CMSS1: variants seen among roughly 807,000 people sequenced by gnomAD.
CMSS1 encodes the protein cms1 ribosomal small subunit homolog, also known as protein CMSS1.
In CMSS1, 33 loss-of-function variants were observed where a neutral mutation model predicts 43.5. The observed-to-expected ratio is 0.76, with a 90% CI of 0.57 to 1.01. The LOEUF (loss-of-function observed/expected upper bound fraction) is 1.01. CMSS1 is among the 50% of genes least tolerant of loss of function. The pLI, the probability that CMSS1 is intolerant of heterozygous loss-of-function variation, is 0.00. For missense variants in CMSS1, 313 were observed against 326.4 expected (o/e 0.96, Z 0.32); for synonymous variants, 115 against 117.2 (o/e 0.98, Z 0.12).
chr3:100,050,311 A>G (rs2065348465), intron 1 of CMSS1, among the ~76,000 whole-genome samples: 1 of 152,178 alleles, frequency 6.6e-6, no homozygotes, highest in African/African-American at 2.4e-5. Context: ...AGGAACTTAC[A>G]CAGAGAGGGA....
intron 1 of CMSS1, among the ~76,000 whole-genome samples, chr3:99,973,417 C>T (rs141603710): frequency 0.012 from 1,778 of 152,288 alleles, 19 homozygotes; most frequent in African/African-American, 0.026. Context: ...CTCTTCTAAA[C>T]ATCAAACCAC....
intron 1 of CMSS1, among the ~76,000 whole-genome samples, chr3:99,930,332 G>A (rs539974083): frequency 1.3e-5 from 2 of 152,106 alleles, no homozygotes; most frequent in African/African-American, 4.8e-5. Flanking sequence ...TTTTCAGGGG[G>A]TAGGAAATAA....
At chr3:99,820,778 G>A (rs1458156806) in intron 1 of CMSS1, among the ~76,000 whole-genome samples, 10 of 152,300 alleles carry the variant, frequency 6.6e-5, no homozygotes, top group Admixed American at 1.3e-4. Context: ...TAAGTTATTT[G>A]ATAGGGATGT....
chr3:99,971,325 G>A (rs1390184693), intron 1 of CMSS1, among the ~76,000 whole-genome samples: 1 of 112,948 alleles, frequency 8.9e-6, no homozygotes, highest in Non-Finnish European at 1.7e-5. Context: ...GGGTGACAGA[G>A]CCCATCTCAA....
chr3:100,037,003 T>C lies in CMSS1; in HGVS notation c.65-109970T>C, dbSNP rs551747809. ...GTATCCTGAAACACATAAATAAAGC[T>C]GAGCCATTTCAGATTAAAAGAAACC... On this transcript the variant is annotated intron_variant, in intron 1 of 9. Coordinates refer to ENST00000421999, the MANE Select transcript of CMSS1 (RefSeq NM_032359.4). 3.9e-4 allele frequency among the ~76,000 whole-genome samples: 59 copies of C among 152,302 alleles called. 1 individual carries two copies. Among genetic ancestry groups the C allele is most frequent in the African/African-American group, 1.4e-3 (58 of 41,562 alleles).
intron 1 of CMSS1, among the ~76,000 whole-genome samples, chr3:99,986,385 T>G (rs1709342888): frequency 6.6e-6 from 1 of 151,944 alleles, no homozygotes; most frequent in Admixed American, 6.6e-5. Flanking sequence ...CTTCAGGGGG[T>G]TTTGCATATT....
intron 1 of CMSS1, among the ~76,000 whole-genome samples, chr3:100,137,564 CTT>C (rs202163215): frequency 1.4e-4 from 20 of 142,398 alleles, no homozygotes; most frequent in Admixed American, 2.1e-4. Context: ...AAGCATGTAA[CTT>C]TTTTTTTTTT....
At chr3:99,953,473 G>A (rs1001412622) in intron 1 of CMSS1, among the ~76,000 whole-genome samples, 1 of 152,162 alleles carries the variant, frequency 6.6e-6, no homozygotes, top group South Asian at 2.1e-4. Flanking sequence ...GACTGGAGTT[G>A]TATAATTATT....
At chr3:99,833,179 A>G in intron 1 of CMSS1, 1 of 1,495,144 alleles carries the variant, frequency 6.7e-7, no homozygotes, top group South Asian at 1.1e-5. Context: ...TGCTTAACCC[A>G]GTTCAACATG....
At chr3:100,161,171 G>A (rs1434043704) in intron 3 of CMSS1, among the ~76,000 whole-genome samples, 1 of 152,158 alleles carries the variant, frequency 6.6e-6, no homozygotes, top group African/African-American at 2.4e-5. Context: ...AGTCAGCCGA[G>A]GAAATACGAT....
chr3:99,941,359 T>C (rs1707845848), intron 1 of CMSS1, among the ~76,000 whole-genome samples: 1 of 152,184 alleles, frequency 6.6e-6, no homozygotes. Flanking sequence ...CACAAAGTGT[T>C]TTGGAAGGAT....
chr3:99,818,118 T>G (rs997768380), intron 1 of CMSS1, 75 bp downstream of exon 1: 16 of 1,445,772 alleles, frequency 1.1e-5, no homozygotes, highest in Non-Finnish European at 1.5e-5. Flanking sequence ...TGGTCGCTTC[T>G]GGCGATCGCG....
At chr3:100,031,702 G>C (rs117355058) in intron 1 of CMSS1, among the ~76,000 whole-genome samples, 1 of 151,986 alleles carries the variant, frequency 6.6e-6, no homozygotes, top group Admixed American at 6.6e-5. Flanking sequence ...GAGGATCTAC[G>C]ACAAGAAGGC....
chr3:99,872,987 T>TA (rs1372397544), intron 1 of CMSS1, among the ~76,000 whole-genome samples: 2 of 152,124 alleles, frequency 1.3e-5, no homozygotes, highest in Non-Finnish European at 2.9e-5. Flanking sequence ...TGCTAGGAAT[T>TA]AGTGTACCTA....
At chr3:100,017,956 A>T (rs1710393486) in intron 1 of CMSS1, among the ~76,000 whole-genome samples, 1 of 152,096 alleles carries the variant, frequency 6.6e-6, no homozygotes, top group Non-Finnish European at 1.5e-5. Context: ...AATTGCCTGG[A>T]GCTTCCCAGG....
At chr3:100,162,544 A>T in intron 4 of CMSS1, 112 bp downstream of exon 4, 1 of 1,169,220 alleles carries the variant, frequency 8.6e-7, no homozygotes. Flanking sequence ...ATGGTGGCTC[A>T]TGCCTATAAT....
intron 1 of CMSS1, among the ~76,000 whole-genome samples, chr3:99,882,846 T>G (rs953624666): frequency 6.6e-6 from 1 of 152,244 alleles, no homozygotes; most frequent in African/African-American, 2.4e-5. Context: ...TTAGAAATGT[T>G]TTCTTTTGTT....
chr3:99,931,226 C>T lies in CMSS1; in HGVS notation c.64+113183C>T, dbSNP rs374843287. On this transcript the variant is annotated intron_variant, in intron 1 of 9. Transcript: ENST00000421999. ...CTTATTTGCACTTCTGCTTTTAAAG[C>T]AAACATTTAAAAAAAGGTGTTCTGT... 6.4e-4 allele frequency among the ~76,000 whole-genome samples: 98 copies of T among 152,108 alleles called. 1 individual carries two copies. The South Asian group carries it at 0.02, about 31-fold the overall frequency.
intron 1 of CMSS1, among the ~76,000 whole-genome samples, chr3:100,042,813 G>A (rs997645560): frequency 7.2e-5 from 11 of 152,236 alleles, no homozygotes; most frequent in African/African-American, 2.6e-4. Context: ...CCTAACAATC[G>A]AGTACTTCTT....
Sources: allele counts gnomAD v4.1 joint callset (sites outside exome capture counted in the v4.1 genomes callset), GRCh38; gene constraint gnomAD v4.1.1; transcripts MANE v1.5; gene names NCBI Gene and HGNC (gene_info 2026-07-23, HGNC 2026-07-21).